Variants in ADGRB3 observed in about 807,000 individuals in gnomAD.
The protein encoded by ADGRB3 is adhesion G protein-coupled receptor B3.
In ADGRB3, 37 loss-of-function variants were observed where a neutral mutation model predicts 193.4. The ratio of observed to expected loss-of-function variants is 0.19; its 90% CI spans 0.15 to 0.25. The LOEUF (loss-of-function observed/expected upper bound fraction) is 0.25, where lower values mean the gene tolerates loss of function less well. ADGRB3 is among the 10% of genes least tolerant of loss of function. The probability of loss-of-function intolerance (pLI) is 1.00; values close to 1 mark genes in which losing one functional copy is unlikely to be tolerated. For synonymous variants in ADGRB3, 690 were observed against 644.2 expected (o/e 1.07, Z -1.08); for missense variants, 1,637 against 1,852.9 (o/e 0.88, Z 2.14).
chr6:69,176,697 A>G (rs1269739553), intron 17 of ADGRB3, among the ~76,000 whole-genome samples: 1 of 152,110 alleles, frequency 6.6e-6, no homozygotes. Context: ...TTTTAGTAGA[A>G]TTGTTGCCAG....
chr6:69,318,861 G>GTATATA (rs71536460), intron 20 of ADGRB3, among the ~76,000 whole-genome samples: 25 of 147,872 alleles, frequency 1.7e-4, no homozygotes, highest in African/African-American at 6.2e-4. Flanking sequence ...ATGTATAACT[G>GTATATA]TATATATATA....
At position 68,772,916 on chromosome 6, in the gene ADGRB3, T is replaced by C. The variant is rs1255310843; in HGVS notation, c.757+133484T>C. On this transcript the variant is annotated intron_variant, in intron 3 of 31. Coordinates refer to ENST00000370598, the MANE Select transcript of ADGRB3 (RefSeq NM_001704.3). ...AAAAATATATATATATATATATATA[T>C]ATATATATATATATATACATACACA... 8.5e-5 allele frequency among the ~76,000 whole-genome samples: 5 copies of C among 59,144 alleles called. 1 individual carries two copies. The highest frequency in any genetic ancestry group is 7.9e-4 in the East Asian group (2 of 2,536). The allele number at this position is 59,144 out of a possible 152,430, so 38.8% of individuals were successfully genotyped here.
intron 3 of ADGRB3, among the ~76,000 whole-genome samples, chr6:68,739,174 G>C (rs1201894303): frequency 3.9e-5 from 6 of 152,108 alleles, no homozygotes; most frequent in Admixed American, 6.6e-5. Context: ...AATTTTAAAA[G>C]GTAGAAGGCT....
chr6:69,243,852 C>T (rs1342991808), intron 20 of ADGRB3, among the ~76,000 whole-genome samples: 1 of 151,806 alleles, frequency 6.6e-6, no homozygotes, highest in East Asian at 1.9e-4. Flanking sequence ...AACTAACTGG[C>T]ACATATATAG....
chr6:68,777,307 C>G lies in ADGRB3; in HGVS notation c.757+137875C>G, dbSNP rs530597802. Reference sequence around the variant, plus strand: ...GCACTATGATGCAATTAGCAATTATCTTCAAACGTCAACATTTTGGTTACA... The same window carrying G: ...GCACTATGATGCAATTAGCAATTATGTTCAAACGTCAACATTTTGGTTACA... On this transcript the variant is annotated intron_variant, in intron 3 of 31. Transcript: ENST00000370598. Among the ~76,000 whole-genome samples the G allele has an allele frequency of 9.2e-5, 14 of 152,184 alleles. No homozygotes were observed. In the South Asian group the frequency reaches 2.9e-3, roughly 32 times the overall value.
chr6:68,817,099 G>T (rs1243713966), intron 3 of ADGRB3, among the ~76,000 whole-genome samples: 1 of 151,168 alleles, frequency 6.6e-6, no homozygotes, highest in African/African-American at 2.4e-5. Flanking sequence ...TCTGTTATTG[G>T]CCTCTGTATT....
Position 68,661,365 on chromosome 6 carries a change from A to G in ADGRB3, c.757+21933A>G, listed in dbSNP as rs2341767. 3.0e-3 allele frequency among the ~76,000 whole-genome samples: 311 copies of G among 103,102 alleles called. 17 individuals are homozygous for G. The highest frequency in any genetic ancestry group is 4.4e-3 in the Middle Eastern group (1 of 228). 67.6% of individuals were successfully genotyped at this position (103,102 alleles called of 152,430 possible). A position where few individuals can be genotyped will look rare whatever the true frequency, so the allele number is the denominator to read the frequency against. Reference sequence around the variant, plus strand: ...TATGTGTGTGTGTGTGTGTGTGTGTATATATATGTGTATACATATATATAT... The same window carrying G: ...TATGTGTGTGTGTGTGTGTGTGTGTGTATATATGTGTATACATATATATAT... On this transcript the variant is annotated intron_variant, in intron 3 of 31. Transcript: ENST00000370598.
At chr6:69,097,593 A>G (rs1243818355) in intron 17 of ADGRB3, among the ~76,000 whole-genome samples, 1 of 152,124 alleles carries the variant, frequency 6.6e-6, no homozygotes, top group East Asian at 1.9e-4. Context: ...ACATAACCAC[A>G]TGTTTTCCTT....
At chr6:69,157,232 T>C (rs1774867107) in intron 17 of ADGRB3, among the ~76,000 whole-genome samples, 1 of 152,188 alleles carries the variant, frequency 6.6e-6, no homozygotes, top group South Asian at 2.1e-4. Context: ...CAGTACCAGG[T>C]AATTACTGTA....
intron 17 of ADGRB3, among the ~76,000 whole-genome samples, chr6:69,093,301 G>A (rs1460590414): frequency 6.6e-6 from 1 of 151,882 alleles, no homozygotes; most frequent in African/African-American, 2.4e-5. Flanking sequence ...CCTAGGGAAA[G>A]GGATGGGGTG....
rs529844945 is a variant in ADGRB3 at position 68,703,683 on chromosome 6, C to T, written c.757+64251C>T. On this transcript the variant is annotated intron_variant, in intron 3 of 31. Transcript: ENST00000370598. ...TGTTGCCCAGCCTGGAGTGCAGTGG[C>T]GCAATCTCAGCTCACTGCAACCTCC... Among the ~76,000 whole-genome samples, 52 of 152,182 alleles carry T rather than the reference C, an allele frequency of 3.4e-4. 2 individuals are homozygous for T. In the South Asian group the frequency reaches 6.2e-3, roughly 18 times the overall value.
At chr6:69,380,150 A>G (rs1160175777) in intron 30 of ADGRB3, among the ~76,000 whole-genome samples, 3 of 151,934 alleles carry the variant, frequency 2.0e-5, no homozygotes, top group Non-Finnish European at 2.9e-5. Context: ...ATTCTTTTCC[A>G]TGGAATGTAT....
chr6:68,861,064 A>T (rs1422825413), intron 3 of ADGRB3, among the ~76,000 whole-genome samples: 2 of 152,134 alleles, frequency 1.3e-5, no homozygotes, highest in Non-Finnish European at 2.9e-5. Flanking sequence ...TGGACCCTGG[A>T]GAGAGTCTTG....
intron 3 of ADGRB3, among the ~76,000 whole-genome samples, chr6:68,857,072 T>C (rs1765009298): frequency 1.3e-5 from 2 of 152,252 alleles, no homozygotes; most frequent in Admixed American, 6.5e-5. Context: ...ACTATTGAGG[T>C]TGGGGAACCT....
chr6:69,023,778 C>G (rs1019394836), intron 13 of ADGRB3, among the ~76,000 whole-genome samples: 1 of 151,986 alleles, frequency 6.6e-6, no homozygotes, highest in Non-Finnish European at 1.5e-5. Flanking sequence ...GTAATTCATG[C>G]AGGAGACAAT....
intron 3 of ADGRB3, among the ~76,000 whole-genome samples, chr6:68,742,974 A>G (rs756335327): frequency 7.9e-5 from 12 of 151,896 alleles, no homozygotes; most frequent in Admixed American, 2.6e-4. Context: ...TTGGAGTTCT[A>G]TAGTACTTGT....
chr6:69,386,599 G>A (rs1264776621), intron 31 of ADGRB3, among the ~76,000 whole-genome samples: 1 of 151,990 alleles, frequency 6.6e-6, no homozygotes, highest in Non-Finnish European at 1.5e-5. Context: ...TTATGATCTG[G>A]CTTCCACTTC....
chr6:68,860,473 G>A (rs1765121646), intron 3 of ADGRB3, among the ~76,000 whole-genome samples: 1 of 152,094 alleles, frequency 6.6e-6, no homozygotes, highest in Non-Finnish European at 1.5e-5. Flanking sequence ...ACTTATAAAT[G>A]AGGATAAATG....
chr6:68,674,137 G>T (rs1291911036), intron 3 of ADGRB3, among the ~76,000 whole-genome samples: 1 of 152,002 alleles, frequency 6.6e-6, no homozygotes, highest in Non-Finnish European at 1.5e-5. Context: ...TATACTAGAG[G>T]CAATTTATCT....
Sources: allele counts gnomAD v4.1 joint callset (sites outside exome capture counted in the v4.1 genomes callset), GRCh38; gene constraint gnomAD v4.1.1; transcripts MANE v1.5; gene names NCBI Gene and HGNC (gene_info 2026-07-23, HGNC 2026-07-21).